The following IGFBP2 variants were observed in gnomAD, a reference collection of about 807,000 sequenced individuals.
IGFBP2 encodes insulin like growth factor binding protein 2.
In IGFBP2, 12 loss-of-function variants were observed where a neutral mutation model predicts 26.2. That is an observed-to-expected ratio of 0.46 (90% CI 0.29 to 0.74). IGFBP2 has a LOEUF of 0.74. IGFBP2 is among the 30% of genes least tolerant of loss of function. IGFBP2 has a pLI of 0.09. For synonymous variants in IGFBP2, 189 were observed against 200.6 expected, an observed-to-expected ratio of 0.94 and a Z score of 0.49; for missense variants, 328 against 441.2, an observed-to-expected ratio of 0.74 and a Z score of 2.30.
chr2:216,660,504 C>A (rs1306199452), intron 1 of IGFBP2, 53 bp from the exon 2 acceptor site: 2 of 1,420,636 alleles, frequency 1.4e-6, no homozygotes, highest in Non-Finnish European at 1.9e-6. Context: ...CCGGAGGGCA[C>A]GTCTCTCTGG....
chr2:216,660,583 G>A lies in IGFBP2; in HGVS notation c.469G>A (p.Gly157Ser). 6.2e-7 allele frequency: 1 copy of A among 1,611,664 alleles called. No individual in the cohort carries two copies. Among genetic ancestry groups the A allele is most frequent in the Non-Finnish European group, 8.5e-7 (1 of 1,178,520 alleles). The change falls in exon 2 of 4, where the codon GGC (glycine) becomes AGC (serine). Residue 157 changes from glycine (G) to serine (S), a missense_variant. Transcript: ENST00000233809. ...ADNGDDHSEGGLVENHVDSTM... is the reference protein window; with the variant it reads ...ADNGDDHSEGSLVENHVDSTM... The stretch of plus-strand genomic sequence containing the variant: ...CAATGGCGATGACCACTCAGAAGGA[G>A]GCCTGGTGGAGAACCACGTGGACAG...
At chr2:216,634,191 G>T (rs1697446119) in intron 1 of IGFBP2, among the ~76,000 whole-genome samples, 1 of 152,352 alleles carries the variant, frequency 6.6e-6, no homozygotes, top group African/African-American at 2.4e-5. Flanking sequence ...GATGAATGGG[G>T]AGAGGAAAGG....
At chr2:216,650,311 G>C (rs10221752) in intron 1 of IGFBP2, among the ~76,000 whole-genome samples, 4 of 152,204 alleles carry the variant, frequency 2.6e-5, no homozygotes, top group Admixed American at 2.6e-4. Flanking sequence ...TGACACCTGC[G>C]CAAGTTGAAC....
chr2:216,661,699 C>G (rs1382874989), intron 2 of IGFBP2, 159 bp from the exon 3 acceptor site: 2 of 808,466 alleles, frequency 2.5e-6, no homozygotes, highest in African/African-American at 3.4e-5. Flanking sequence ...AGGGAGATCC[C>G]CGGGCAGGCT....
chr2:216,634,117 C>T (rs971908584), intron 1 of IGFBP2, 152 bp downstream of exon 1: 1 of 1,280,000 alleles, frequency 7.8e-7, no homozygotes, highest in African/African-American at 1.5e-5. Context: ...ACGCGGAAGT[C>T]AGGCCCGGGG....
At chr2:216,644,728 T>A (rs1697677793) in intron 1 of IGFBP2, among the ~76,000 whole-genome samples, 1 of 152,220 alleles carries the variant, frequency 6.6e-6, no homozygotes, top group African/African-American at 2.4e-5. Context: ...TTGTTTTTTT[T>A]GTTTGTTTTA....
intron 1 of IGFBP2, among the ~76,000 whole-genome samples, chr2:216,644,283 G>C (rs570283567): frequency 1.7e-3 from 265 of 152,268 alleles, no homozygotes; most frequent in African/African-American, 6.2e-3. Context: ...GGGAAGATTG[G>C]GGAGAAGGGG....
rs1697434089 is a variant in IGFBP2 at position 216,633,683 on chromosome 2, G to A, written c.160G>A (p.Gly54Arg). The A allele has an allele frequency of 9.6e-6, 11 of 1,144,138 alleles. No homozygotes were observed. The highest frequency in any genetic ancestry group is 1.1e-5 in the Non-Finnish European group (10 of 934,012). The allele number at this position is 1,144,138 out of a possible 1,614,324, so 70.9% of individuals were successfully genotyped here. A position where few individuals can be genotyped will look rare whatever the true frequency, so the allele number is the denominator to read the frequency against. The part of the protein sequence containing the change: ...PCTPERLAAC[G>R]PPPVAPPAAV... ...CACACCCGAGCGCCTGGCCGCCTGCGGGCCCCCGCCGGTTGCGCCGCCCGC... is the reference window on the plus strand; with the variant it reads ...CACACCCGAGCGCCTGGCCGCCTGCAGGCCCCCGCCGGTTGCGCCGCCCGC... The change falls in exon 1 of 4, where the codon GGG (glycine) becomes AGG (arginine). Residue 54 changes from glycine to arginine, a missense_variant. Gly to Arg is a moderately radical substitution (Grantham distance 125, BLOSUM62 -2). Coordinates refer to ENST00000233809, the MANE Select transcript of IGFBP2 (RefSeq NM_000597.3).
At chr2:216,653,694 C>T (rs1029696556) in intron 1 of IGFBP2, among the ~76,000 whole-genome samples, 1 of 152,158 alleles carries the variant, frequency 6.6e-6, no homozygotes, top group Non-Finnish European at 1.5e-5. Context: ...AAAGGTGTGG[C>T]AGTCTACCCA....
chr2:216,645,585 C>T (rs1240158215), intron 1 of IGFBP2, among the ~76,000 whole-genome samples: 3 of 152,204 alleles, frequency 2.0e-5, no homozygotes, highest in Admixed American at 6.5e-5. Flanking sequence ...ATGCAAGCCA[C>T]GTAGCACAGA....
intron 1 of IGFBP2, among the ~76,000 whole-genome samples, chr2:216,652,465 C>T (rs896951968): frequency 2.0e-5 from 3 of 152,220 alleles, no homozygotes; most frequent in Non-Finnish European, 4.4e-5. Context: ...CGTGAGCCAC[C>T]GCGCCCCGCC....
chr2:216,633,492 TCGCC>T lies in IGFBP2; in HGVS notation c.-27_-24del. ...CCTGCCCGCCCGCCCGCTCGCTCGC[TCGCC>T]CGCCGCGCCGCGCTGCCGACCGCCA... On this transcript the variant is annotated 5_prime_UTR_variant, in exon 1 of 4. Transcript: ENST00000233809. 3.3e-6 allele frequency: 2 copies of T among 614,758 alleles called. No homozygotes were observed. Among genetic ancestry groups the T allele is most frequent in the Non-Finnish European group, 4.1e-6 (2 of 490,066 alleles). 38.1% of individuals were successfully genotyped at this position (614,758 alleles called of 1,614,324 possible). A position where few individuals can be genotyped will look rare whatever the true frequency, so the allele number is the denominator to read the frequency against.
At chr2:216,639,660 C>G (rs1023084516) in intron 1 of IGFBP2, among the ~76,000 whole-genome samples, 7 of 150,882 alleles carry the variant, frequency 4.6e-5, no homozygotes, top group African/African-American at 1.5e-4. Context: ...TTATTTATTT[C>G]AAGACCGAGT....
intron 1 of IGFBP2, among the ~76,000 whole-genome samples, chr2:216,648,820 G>A (rs927977236): frequency 6.6e-6 from 1 of 152,056 alleles, no homozygotes; most frequent in Admixed American, 6.6e-5. Flanking sequence ...TATTGGCCAG[G>A]CTGGTCTCGA....
At chr2:216,632,934 T>C (rs750609818), upstream of IGFBP2, 2 of 152,184 alleles carry the variant, frequency 1.3e-5, no homozygotes, top group African/African-American at 2.4e-5. Flanking sequence ...CAAGAAGTCA[T>C]TGTTCCAAGC....
chr2:216,659,528 C>T, intron 1 of IGFBP2: 1 of 598,734 alleles, frequency 1.7e-6, no homozygotes, highest in Non-Finnish European at 3.0e-6. Flanking sequence ...CCTTCTGGAG[C>T]TTGCTGGGGC....
intron 1 of IGFBP2, among the ~76,000 whole-genome samples, chr2:216,652,275 G>C (rs199514850): frequency 6.7e-6 from 1 of 150,316 alleles, no homozygotes; most frequent in East Asian, 2.0e-4. Flanking sequence ...CCGGGTTCAA[G>C]TGATTCTCCT....
At chr2:216,656,300 A>G (rs1412709221) in intron 1 of IGFBP2, among the ~76,000 whole-genome samples, 1 of 152,220 alleles carries the variant, frequency 6.6e-6, no homozygotes, top group African/African-American at 2.4e-5. Flanking sequence ...CCCAGGGAAG[A>G]TCCTGTGCCC....
chr2:216,663,912 C>A (rs375018779), intron 3 of IGFBP2, 28 bp from the exon 4 acceptor site: 7 of 1,603,574 alleles, frequency 4.4e-6, no homozygotes, highest in Admixed American at 1.7e-5. Context: ...GCTGCGGGCT[C>A]CTCCATGCTC....
Sources: gnomAD v4.1 joint callset for allele counts (sites outside exome capture counted in the v4.1 genomes callset) on GRCh38, gnomAD v4.1.1 for gene constraint, MANE v1.5 for transcripts, NCBI Gene and HGNC (gene_info 2026-07-23, HGNC 2026-07-21) for gene names.